Variants in PLRG1 observed in about 807,000 individuals in gnomAD.
The protein encoded by PLRG1 is pleiotropic regulator 1.
In PLRG1, 28 loss-of-function variants were observed where a neutral mutation model predicts 74.9. The observed-to-expected ratio is 0.37, with a 90% CI of 0.28 to 0.51. The LOEUF (loss-of-function observed/expected upper bound fraction) is 0.51, where lower values mean the gene tolerates loss of function less well. Ranked by LOEUF, PLRG1 falls within the 20% of genes least tolerant of loss-of-function variation. PLRG1 has a pLI of 0.91. For missense variants in PLRG1, 445 were observed against 631.9 expected (o/e 0.70, Z 3.17); for synonymous variants, 197 against 212.4 (o/e 0.93, Z 0.63).
intron 4 of PLRG1, 132 bp downstream of exon 4, chr4:154,546,879 A>G (rs1001409496): frequency 2.8e-6 from 2 of 724,012 alleles, no homozygotes; most frequent in African/African-American, 1.8e-5. Flanking sequence ...ATTACCTACA[A>G]AGCTATGCAT....
Position 154,539,158 on chromosome 4 carries a change from C to A in PLRG1, c.1098G>T (p.Val366=). The stretch of plus-strand genomic sequence containing the variant: ...CTGATTTTTTGTGATTTGTTAATGT[C>A]ACTCTTGTTTTTCCAGCCACCAGAT... ...LWDLVAGKTR[V]TLTNHKKSVR... Residue 366 remains valine (V), a synonymous_variant, in exon 12 of 15, where the codon GTG becomes GTT. Coordinates refer to ENST00000499023, the MANE Select transcript of PLRG1 (RefSeq NM_002669.4). The A allele has an allele frequency of 6.2e-7, 1 of 1,612,594 alleles. No individual in the cohort carries two copies. Among genetic ancestry groups the A allele is most frequent in the African/African-American group, 1.3e-5 (1 of 75,000 alleles).
At chr4:154,544,377 T>G in intron 7 of PLRG1, 68 bp downstream of exon 7, 1 of 903,224 alleles carries the variant, frequency 1.1e-6, no homozygotes, top group Non-Finnish European at 1.9e-6. Context: ...CCTTATTCTA[T>G]TCTTCAGTGC....
rs749307615 is a variant in PLRG1 at position 154,545,822 on chromosome 4, G to A, written c.492+14C>T. ...AAAAGTTAGAAACCTGCTATTTGAT[G>A]CAGAAAAACTTACTGAATTCATCGC... On this transcript the variant is annotated intron_variant, in intron 6 of 14. Transcript: ENST00000499023. 10 of 1,527,864 alleles carry A rather than the reference G, an allele frequency of 6.5e-6. No individual in the cohort carries two copies. The highest frequency in any genetic ancestry group is 9.0e-6 in the Non-Finnish European group (10 of 1,112,474). The allele number at this position is 1,527,864 out of a possible 1,614,324, so 94.6% of individuals were successfully genotyped here. A position where few individuals can be genotyped will look rare whatever the true frequency, so the allele number is the denominator to read the frequency against.
At position 154,547,681 on chromosome 4, in the gene PLRG1, G is replaced by A. The variant is rs368557054; in HGVS notation, c.259+30C>T. On this transcript the variant is annotated intron_variant, in intron 3 of 14. Transcript: ENST00000499023. ...TTCTGTTTTTAAAATTCACATATAA[G>A]TCTGACATTTCTGATAATACCATAC... 63 of 1,590,126 alleles carry A rather than the reference G, an allele frequency of 4.0e-5. No homozygotes were observed. The East Asian group carries it at 1.1e-3, about 27-fold the overall frequency.
intron 1 of PLRG1, among the ~76,000 whole-genome samples, chr4:154,550,041 T>C (rs1486339800): frequency 6.6e-6 from 1 of 152,198 alleles, no homozygotes; most frequent in Non-Finnish European, 1.5e-5. Flanking sequence ...GAGGACACTT[T>C]CCAGCTCCCA....
At position 154,540,581 on chromosome 4, in the gene PLRG1, C is replaced by T; in HGVS notation, c.939+13G>A. The T allele has an allele frequency of 6.4e-7, 1 of 1,559,712 alleles. No homozygotes were observed. The highest frequency in any genetic ancestry group is 1.1e-5 in the South Asian group (1 of 89,874). ...TATATTTACAGATAAATACACAACT[C>T]TATCCCATTTACCCGTGCAGTTGAA... On this transcript the variant is annotated intron_variant, in intron 10 of 14. Transcript: ENST00000499023.
intron 8 of PLRG1, among the ~76,000 whole-genome samples, chr4:154,541,285 T>C (rs932967585): frequency 1.1e-4 from 16 of 152,160 alleles, no homozygotes; most frequent in African/African-American, 3.9e-4. Context: ...AAGTTCACAC[T>C]CATTAGAAAT....
intron 4 of PLRG1, 124 bp from the exon 5 acceptor site, chr4:154,546,337 C>T: frequency 3.3e-6 from 2 of 613,882 alleles, no homozygotes; most frequent in Non-Finnish European, 5.9e-6. Context: ...TGATATTATA[C>T]AAATTTGATT....
rs144215436 is a variant in PLRG1 at position 154,537,460 on chromosome 4, A to T, written c.1311T>A (p.His437Gln). The change falls in exon 14 of 15, where the codon CAT (histidine) becomes CAA (glutamine). Residue 437 changes from histidine to glutamine, a missense_variant. Around this residue, in one of 3 missense-constraint regions of PLRG1, gnomAD observed 221 missense variants for 377.7 expected, o/e 0.59. Coordinates refer to ENST00000499023, the MANE Select transcript of PLRG1 (RefSeq NM_002669.4). ...LVSGADNGTM[H>Q]LWDWRTGYNF... ...TGTAGCCAGTTCTCCAGTCCCAAAG[A>T]TGCATGGTGCCATTGTCAGCTTAAA... is the stretch of plus-strand genomic sequence containing the variant. 487 of 1,612,996 alleles carry T rather than the reference A, an allele frequency of 3.0e-4. 3 individuals are homozygous for T. The highest frequency in any genetic ancestry group is 1.3e-4 in the Admixed American group (8 of 59,858).
intron 10 of PLRG1, chr4:154,540,315 C>T (rs7698829): frequency 0.87 from 498,316 of 574,746 alleles, 216,535 homozygotes; most frequent in East Asian, 0.98. Flanking sequence ...TTTAAGACTA[C>T]TGAATGAAAG....
At position 154,545,872 on chromosome 4, in the gene PLRG1, C is replaced by T. The variant is rs772963394; in HGVS notation, c.456G>A (p.Gly152=). 2 of 1,612,642 alleles carry T rather than the reference C, an allele frequency of 1.2e-6. No homozygotes were observed. Among genetic ancestry groups the T allele is most frequent in the Admixed American group, 3.3e-5 (2 of 59,890 alleles). ...CTGTAGGCTGTGGACGGTCAGAAGC[C>T]CCAGGATGTCGGTATTCACTTCCAC... ...APSGSEYRHP[G]ASDRPQPTAM... The change falls in exon 6 of 15, where the codon GGG becomes GGA. Residue 152 remains glycine (G), a synonymous_variant. Coordinates refer to ENST00000499023, the MANE Select transcript of PLRG1 (RefSeq NM_002669.4).
At chr4:154,545,173 C>A (rs971761296) in intron 6 of PLRG1, among the ~76,000 whole-genome samples, 1 of 152,056 alleles carries the variant, frequency 6.6e-6, no homozygotes, top group Non-Finnish European at 1.5e-5. Context: ...GGGTAGAGAG[C>A]CTGGACAGAA....
In PLRG1 at chr4:154,536,748, A is replaced by G; in HGVS notation, c.1486-4T>C. On this transcript the variant is annotated splice_polypyrimidine_tract_variant and splice_region_variant and intron_variant, in intron 14 of 14. Transcript: ENST00000499023. ...TGACTGGATGAGTTTCTTCTGTCTAAAAATAGAAAAGTGAGTTAAAATAAA... is the reference window on the plus strand; with the variant it reads ...TGACTGGATGAGTTTCTTCTGTCTAGAAATAGAAAAGTGAGTTAAAATAAA... 6.8e-7 allele frequency: 1 copy of G among 1,469,224 alleles called. No homozygotes were observed. Among genetic ancestry groups the G allele is most frequent in the Admixed American group, 2.1e-5 (1 of 47,696 alleles). 91.0% of individuals were successfully genotyped at this position (1,469,224 alleles called of 1,614,324 possible).
intron 4 of PLRG1, 99 bp from the exon 5 acceptor site, chr4:154,546,312 A>C (rs1301898224): frequency 5.9e-6 from 4 of 676,216 alleles, no homozygotes; most frequent in Non-Finnish European, 1.1e-5. Context: ...CCAAATGTTT[A>C]TTATCTCCAG....
chr4:154,537,096 T>A (rs1729465598), intron 14 of PLRG1, among the ~76,000 whole-genome samples, 190 bp downstream of exon 14: 1 of 152,112 alleles, frequency 6.6e-6, no homozygotes, highest in African/African-American at 2.4e-5. Flanking sequence ...GAAGTTGGGA[T>A]AAAATTAAAG....
At chr4:154,536,993 C>T (rs1179360720) in intron 14 of PLRG1, among the ~76,000 whole-genome samples, 1 of 152,040 alleles carries the variant, frequency 6.6e-6, no homozygotes, top group Non-Finnish European at 1.5e-5. Context: ...ATTCTACTAA[C>T]ACCAAAGCTT....
chr4:154,543,308 T>C (rs949745959), intron 7 of PLRG1, among the ~76,000 whole-genome samples: 4 of 152,138 alleles, frequency 2.6e-5, no homozygotes, highest in African/African-American at 9.6e-5. Flanking sequence ...CCACTACACA[T>C]AGCCAATTTT....
At chr4:154,549,688 A>G in intron 1 of PLRG1, 1 of 456,346 alleles carries the variant, frequency 2.2e-6, no homozygotes, top group Non-Finnish European at 4.4e-6. Context: ...AACTTATAGA[A>G]CAAAATGGAA....
At chr4:154,545,191 T>C (rs532805142) in intron 6 of PLRG1, among the ~76,000 whole-genome samples, 67 of 152,296 alleles carry the variant, frequency 4.4e-4, no homozygotes, top group African/African-American at 1.5e-3. Context: ...GAAGACGTGC[T>C]CTGAATGGAA....
Sources: gnomAD v4.1 joint callset for allele counts (sites outside exome capture counted in the v4.1 genomes callset) on GRCh38, gnomAD v4.1.1 for gene constraint, gnomAD v4.1.1 regional missense constraint, MANE v1.5 for transcripts, NCBI Gene and HGNC (gene_info 2026-07-23, HGNC 2026-07-21) for gene names.